CENPC: variants seen among roughly 807,000 people sequenced by gnomAD.
CENPC encodes CENP-C 1.
Under a neutral mutation model 112.1 loss-of-function variants are expected in CENPC, and 63 were observed. The observed-to-expected ratio is 0.56, with a 90% CI of 0.46 to 0.69. The LOEUF is 0.69. Ranked by LOEUF, CENPC falls within the 30% of genes least tolerant of loss-of-function variation. The pLI, the probability that CENPC is intolerant of heterozygous loss-of-function variation, is 0.00. For missense variants in CENPC, 1,000 were observed against 1,103.8 expected (o/e 0.91, Z 1.33); for synonymous variants, 333 against 367.6 (o/e 0.91, Z 1.08).
chr4:67,543,405 T>A (rs1726942098), intron 2 of CENPC, among the ~76,000 whole-genome samples: 1 of 152,174 alleles, frequency 6.6e-6, no homozygotes, highest in Non-Finnish European at 1.5e-5. Context: ...TTTCTTAATA[T>A]CAACAACACA....
At chr4:67,493,285 G>C (rs1436513827) in intron 14 of CENPC, 1 of 193,754 alleles carries the variant, frequency 5.2e-6, no homozygotes, top group East Asian at 1.4e-4. Context: ...AAAAAGGAGG[G>C]GGCTAGCAAT....
At chr4:67,518,453 A>G in intron 6 of CENPC, 85 bp from the exon 7 acceptor site, 1 of 1,304,122 alleles carries the variant, frequency 7.7e-7, no homozygotes, top group Non-Finnish European at 9.8e-7. Context: ...TACAGAGACA[A>G]TACAGACCAA....
chr4:67,487,782 A>G (rs192990028), intron 17 of CENPC, among the ~76,000 whole-genome samples: 1 of 151,646 alleles, frequency 6.6e-6, no homozygotes, highest in Admixed American at 6.6e-5. Context: ...CAGCTCTCAT[A>G]ATTAATATGT....
intron 5 of CENPC, among the ~76,000 whole-genome samples, chr4:67,523,310 C>CTCA (rs1553896549): frequency 1.2e-4 from 18 of 151,078 alleles, no homozygotes; most frequent in Non-Finnish European, 1.9e-4. Context: ...GAGACTCTCT[C>CTCA]AAAAAAACAA....
intron 12 of CENPC, among the ~76,000 whole-genome samples, chr4:67,497,293 G>A (rs1179579009): frequency 2.6e-5 from 4 of 151,766 alleles, no homozygotes; most frequent in African/African-American, 2.4e-5. Flanking sequence ...CAGGAGAATC[G>A]CTTGAACCCA....
intron 5 of CENPC, among the ~76,000 whole-genome samples, chr4:67,521,124 G>C (rs1176107558): frequency 6.7e-6 from 1 of 150,000 alleles, no homozygotes; most frequent in East Asian, 2.0e-4. Context: ...GATTTAAGTA[G>C]TCTAAGAATC....
At chr4:67,489,868 A>T (rs1157729933) in intron 17 of CENPC, 99 bp downstream of exon 17, 2 of 1,056,648 alleles carry the variant, frequency 1.9e-6, no homozygotes, top group Non-Finnish European at 2.7e-6. Context: ...TAGTAATCGA[A>T]TTTCATTTCT....
chr4:67,502,418 A>G (rs1725616982), intron 12 of CENPC, among the ~76,000 whole-genome samples: 2 of 152,202 alleles, frequency 1.3e-5, no homozygotes, highest in African/African-American at 4.8e-5. Flanking sequence ...ACAACCAACC[A>G]AAAGAAAGCA....
chr4:67,537,629 C>T (rs1726765458), intron 4 of CENPC, among the ~76,000 whole-genome samples: 1 of 152,034 alleles, frequency 6.6e-6, no homozygotes, highest in African/African-American at 2.4e-5. Flanking sequence ...CCCATCTCTA[C>T]TAAAAATACA....
intron 17 of CENPC, among the ~76,000 whole-genome samples, chr4:67,488,884 C>G (rs1725161155): frequency 6.6e-6 from 1 of 151,862 alleles, no homozygotes; most frequent in Non-Finnish European, 1.5e-5. Context: ...TCATATGTAT[C>G]TTTTCCTTGC....
intron 12 of CENPC, among the ~76,000 whole-genome samples, chr4:67,497,708 T>C (rs1189058861): frequency 1.3e-5 from 2 of 152,054 alleles, no homozygotes; most frequent in African/African-American, 4.8e-5. Context: ...AATTTTTGTA[T>C]TTTTTGTAGA....
intron 17 of CENPC, among the ~76,000 whole-genome samples, chr4:67,478,965 A>G (rs1187646310): frequency 1.3e-5 from 2 of 152,232 alleles, no homozygotes; most frequent in Non-Finnish European, 2.9e-5. Context: ...CAGCAGTTAA[A>G]AAGACAAAGA....
chr4:67,486,562 T>G (rs1290304133), intron 17 of CENPC, among the ~76,000 whole-genome samples: 1 of 152,170 alleles, frequency 6.6e-6, no homozygotes, highest in Non-Finnish European at 1.5e-5. Context: ...ATCAAGGTGA[T>G]TTTGCCTCTC....
At chr4:67,521,772 C>T (rs922448785) in intron 5 of CENPC, among the ~76,000 whole-genome samples, 4 of 152,164 alleles carry the variant, frequency 2.6e-5, no homozygotes, top group Non-Finnish European at 5.9e-5. Flanking sequence ...TATACACATA[C>T]AATGAAATAT....
chr4:67,521,382 G>A (rs1726225378), intron 5 of CENPC, among the ~76,000 whole-genome samples: 1 of 151,892 alleles, frequency 6.6e-6, no homozygotes, highest in African/African-American at 2.4e-5. Context: ...TTAAAAAAAA[G>A]TTTTTTGGAT....
chr4:67,472,506 A>G lies in CENPC; in HGVS notation c.*99T>C, dbSNP rs1291609104. ...GAAAACTGAATAAAATTTTTATTTT[A>G]AAACATCACAAGTAATTACAAAGAC... On this transcript the variant is annotated 3_prime_UTR_variant, in exon 19 of 19. Coordinates refer to ENST00000273853, the MANE Select transcript of CENPC (RefSeq NM_001812.4). 2.4e-6 allele frequency: 3 copies of G among 1,252,758 alleles called. No individual in the cohort carries two copies. Among genetic ancestry groups the G allele is most frequent in the Admixed American group, 4.0e-5 (1 of 25,048 alleles). 77.6% of individuals were successfully genotyped at this position (1,252,758 alleles called of 1,614,324 possible). A position where few individuals can be genotyped will look rare whatever the true frequency, so the allele number is the denominator to read the frequency against.
chr4:67,513,314 A>C (rs1725949378), intron 8 of CENPC, among the ~76,000 whole-genome samples: 1 of 152,208 alleles, frequency 6.6e-6, no homozygotes, highest in Admixed American at 6.6e-5. Context: ...AGTGTGTAGT[A>C]ACTTGTCATA....
chr4:67,538,243 C>T lies in CENPC; in HGVS notation c.231+1597G>A, dbSNP rs189577787. Among the ~76,000 whole-genome samples, 346 of 152,234 alleles carry T rather than the reference C, an allele frequency of 2.3e-3. 2 individuals are homozygous for T. The highest frequency in any genetic ancestry group is 7.8e-3 in the African/African-American group (325 of 41,546). On this transcript the variant is annotated intron_variant, in intron 4 of 18. Transcript: ENST00000273853. ...CCCTCTAACACTATTTTAGCTAAATCTCACAAGTTCTGATAAGTCATATTA... is the reference window on the plus strand; with the variant it reads ...CCCTCTAACACTATTTTAGCTAAATTTCACAAGTTCTGATAAGTCATATTA...
intron 7 of CENPC, among the ~76,000 whole-genome samples, chr4:67,516,763 T>C (rs1560435554): frequency 6.6e-6 from 1 of 151,984 alleles, no homozygotes; most frequent in Admixed American, 6.5e-5. Context: ...GGCTTCTAAT[T>C]AGCTACAAAA....
Sources: gnomAD v4.1 joint callset for allele counts (sites outside exome capture counted in the v4.1 genomes callset) on GRCh38, gnomAD v4.1.1 for gene constraint, MANE v1.5 for transcripts, NCBI Gene and HGNC (gene_info 2026-07-23, HGNC 2026-07-21) for gene names.